RABGAP1L: variants seen among roughly 807,000 people sequenced by gnomAD.
RABGAP1L encodes RAB GTPase activating protein 1 like.
RABGAP1L carries 63 observed loss-of-function variants against 137.7 expected under a neutral mutation model. The observed-to-expected ratio is 0.46, with a 90% confidence interval of 0.37 to 0.56. The LOEUF (loss-of-function observed/expected upper bound fraction) is 0.56. Ranked by LOEUF, RABGAP1L falls within the 20% of genes least tolerant of loss-of-function variation. RABGAP1L has a pLI of 0.00. For synonymous variants in RABGAP1L, 431 were observed against 433.7 expected, an observed-to-expected ratio of 0.99 and a Z score of 0.08; for missense variants, 1,095 against 1,244.0, an observed-to-expected ratio of 0.88 and a Z score of 1.80.
chr1:174,429,740 A>C (rs1247231731), intron 13 of RABGAP1L, among the ~76,000 whole-genome samples: 16 of 66,726 alleles, frequency 2.4e-4, no homozygotes, highest in Admixed American at 1.6e-3. Flanking sequence ...ACTCCATCTC[A>C]AAAAAAAAAA....
chr1:174,596,679 C>T (rs1669954556), intron 13 of RABGAP1L, among the ~76,000 whole-genome samples: 1 of 152,172 alleles, frequency 6.6e-6, no homozygotes, highest in Non-Finnish European at 1.5e-5. Context: ...AATTTGACTT[C>T]TTCCATTTCA....
intron 19 of RABGAP1L, among the ~76,000 whole-genome samples, chr1:174,862,960 T>C (rs1209575753): frequency 2.0e-5 from 3 of 151,872 alleles, no homozygotes; most frequent in Non-Finnish European, 4.4e-5. Context: ...AGTAGCTCGA[T>C]CTTGGCTCAC....
chr1:174,673,224 T>C (rs1413625350), intron 14 of RABGAP1L, among the ~76,000 whole-genome samples: 3 of 152,178 alleles, frequency 2.0e-5, no homozygotes, highest in Admixed American at 1.3e-4. Flanking sequence ...CTTTCAAGAT[T>C]AGGCAGAGGT....
chr1:174,795,035 G>A (rs1423460828), intron 18 of RABGAP1L, among the ~76,000 whole-genome samples: 1 of 152,134 alleles, frequency 6.6e-6, no homozygotes, highest in Non-Finnish European at 1.5e-5. Context: ...ATTCTCAAGT[G>A]CAAGGCTCTA....
At chr1:174,722,262 A>T (rs1056811306) in intron 17 of RABGAP1L, among the ~76,000 whole-genome samples, 2 of 152,130 alleles carry the variant, frequency 1.3e-5, no homozygotes, top group East Asian at 3.9e-4. Context: ...TGCCAGTCAC[A>T]CTTACTTTGG....
chr1:174,419,444 A>G (rs1340354422), intron 13 of RABGAP1L, among the ~76,000 whole-genome samples: 1 of 152,204 alleles, frequency 6.6e-6, no homozygotes, highest in East Asian at 1.9e-4. Context: ...TGAATTCATG[A>G]GATTATTTCT....
intron 1 of RABGAP1L, among the ~76,000 whole-genome samples, chr1:174,218,669 C>T (rs971181802): frequency 6.5e-4 from 99 of 152,112 alleles, no homozygotes; most frequent in Non-Finnish European, 4.9e-4. Flanking sequence ...GTACAATATT[C>T]GGTCTTGAGG....
intron 13 of RABGAP1L, among the ~76,000 whole-genome samples, chr1:174,618,616 G>A (rs1162043571): frequency 2.0e-5 from 3 of 152,102 alleles, no homozygotes; most frequent in Admixed American, 6.6e-5. Context: ...AAACAGAAAG[G>A]ACATCCACAC....
At chr1:174,599,627 C>T (rs992257436) in intron 13 of RABGAP1L, among the ~76,000 whole-genome samples, 1 of 151,656 alleles carries the variant, frequency 6.6e-6, no homozygotes, top group Non-Finnish European at 1.5e-5. Flanking sequence ...TTTTTTCCTT[C>T]AGCACTTAAA....
At position 174,683,581 on chromosome 1, in the gene RABGAP1L, T is replaced by C. The variant is rs1288807793; in HGVS notation, c.1884T>C (p.Ala628=). The C allele has an allele frequency of 5.0e-6, 8 of 1,604,912 alleles. No individual in the cohort carries two copies. In the South Asian group the frequency reaches 5.5e-5, roughly 11 times the overall value. The change falls in exon 15 of 26, where the codon GCT becomes GCC. Residue 628 remains alanine, a synonymous_variant. Transcript: ENST00000681986. ...GTCAAGGGCAGTCTTTTCTTGCTGC[T>C]GTATTACTGCTGCATGTAAGTAATG... The part of the protein sequence containing the change: ...GYCQGQSFLA[A]VLLLHMPEEQ...
chr1:174,482,859 G>T (rs1022228953), intron 13 of RABGAP1L, among the ~76,000 whole-genome samples: 2 of 152,122 alleles, frequency 1.3e-5, no homozygotes, highest in African/African-American at 4.8e-5. Context: ...AGATACCTCT[G>T]TTGTTCAGTG....
chr1:174,884,526 G>A (rs1054488716), intron 19 of RABGAP1L, among the ~76,000 whole-genome samples: 1 of 152,116 alleles, frequency 6.6e-6, no homozygotes, highest in Admixed American at 6.6e-5. Context: ...CATAGCAAGT[G>A]CACATTTTGG....
intron 5 of RABGAP1L, chr1:174,244,165 A>G (rs147046602): frequency 2.0e-5 from 3 of 152,370 alleles, no homozygotes; most frequent in African/African-American, 7.2e-5. Flanking sequence ...TTTAGTCGTT[A>G]GTATTTGAGT....
intron 13 of RABGAP1L, among the ~76,000 whole-genome samples, chr1:174,515,645 T>G (rs77712157): frequency 0.021 from 3,195 of 152,268 alleles, 116 homozygotes; most frequent in African/African-American, 0.074. Context: ...CTTACGTGTT[T>G]CATTGAATTA....
intron 18 of RABGAP1L, among the ~76,000 whole-genome samples, chr1:174,791,355 TATGAAG>T (rs1319634549): frequency 7.9e-5 from 12 of 152,206 alleles, no homozygotes; most frequent in African/African-American, 2.9e-4. Context: ...TTCTATGTAA[TATGAAG>T]ATGAAGATGT....
intron 18 of RABGAP1L, among the ~76,000 whole-genome samples, chr1:174,773,722 C>A (rs1686304927): frequency 6.6e-6 from 1 of 152,176 alleles, no homozygotes; most frequent in Admixed American, 6.5e-5. Context: ...ATATTCTCTG[C>A]TCTTGACTGG....
At chr1:174,259,414 C>T (rs1673392414) in intron 7 of RABGAP1L, among the ~76,000 whole-genome samples, 1 of 152,184 alleles carries the variant, frequency 6.6e-6, no homozygotes, top group Admixed American at 6.5e-5. Flanking sequence ...ACAAAAGTTA[C>T]ATAACTTGAC....
chr1:174,499,019 T>C (rs1572064034), intron 13 of RABGAP1L, among the ~76,000 whole-genome samples: 1 of 152,104 alleles, frequency 6.6e-6, no homozygotes, highest in South Asian at 2.1e-4. Context: ...ATTAGTAAGT[T>C]GTAATTATTT....
chr1:174,394,881 C>A (rs1647628509), intron 13 of RABGAP1L, among the ~76,000 whole-genome samples: 1 of 151,212 alleles, frequency 6.6e-6, no homozygotes, highest in African/African-American at 2.4e-5. Flanking sequence ...ACTTTTCTTT[C>A]CTCTTTGCCT....
Sources: gnomAD v4.1 joint callset for allele counts (sites outside exome capture counted in the v4.1 genomes callset) on GRCh38, gnomAD v4.1.1 for gene constraint, MANE v1.5 for transcripts, NCBI Gene and HGNC (gene_info 2026-07-23, HGNC 2026-07-21) for gene names.